The following DIAPH2 variants were observed in gnomAD, a reference collection of about 807,000 sequenced individuals.
DIAPH2 encodes the protein protein diaphanous homolog 2.
In DIAPH2, 35 loss-of-function variants were observed where a neutral mutation model predicts 92.7. The observed-to-expected ratio is 0.38, with a 90% CI of 0.29 to 0.50. The LOEUF is 0.50. DIAPH2 is among the 20% of genes least tolerant of loss of function. The pLI is 0.94. For missense variants in DIAPH2, 701 were observed against 819.5 expected (o/e 0.86, Z 1.77); for synonymous variants, 301 against 280.4 (o/e 1.07, Z -0.73).
At chrX:97,476,968 A>AAAAAT (rs2070611218) in intron 26 of DIAPH2, among the ~76,000 whole-genome samples, 2 of 33,605 alleles carry the variant, frequency 6.0e-5, no homozygotes, top group Non-Finnish European at 1.0e-4. Flanking sequence ...AAAAAAAAAA[A>AAAAAT]ATATATATAT....
chrX:97,551,789 A>C (rs1437455998), intron 26 of DIAPH2, among the ~76,000 whole-genome samples: 1 of 110,573 alleles, frequency 9.0e-6, no homozygotes, highest in African/African-American at 3.3e-5. Context: ...CATACTGGCT[A>C]TTTACATATA....
At chrX:96,961,185 A>G (rs904175054) in intron 16 of DIAPH2, among the ~76,000 whole-genome samples, 6 of 111,090 alleles carry the variant, frequency 5.4e-5, no homozygotes, top group African/African-American at 2.0e-4. Flanking sequence ...ACAAGTTTGG[A>G]AGAATTCATT....
rs61100745 is a variant in DIAPH2 at position 96,766,932 on chromosome X, C to T, written c.447+8674C>T. 8.1e-3 allele frequency among the ~76,000 whole-genome samples: 903 copies of T among 111,772 alleles called. 8 individuals carry two copies. Among genetic ancestry groups the T allele is most frequent in the African/African-American group, 0.028 (859 of 30,805 alleles). On this transcript the variant is annotated intron_variant, in intron 4 of 26. Coordinates refer to ENST00000324765, the MANE Select transcript of DIAPH2 (RefSeq NM_006729.5). ...TGCCTGTTACCTGAACAAAACCACC[C>T]CCTTAGCCTCAGGCAGTATTGCTTC...
chrX:97,031,789 C>G (rs963666316), intron 17 of DIAPH2, among the ~76,000 whole-genome samples: 1 of 111,167 alleles, frequency 9.0e-6, no homozygotes. Context: ...AGAAGGCCAC[C>G]GAACTCCGAT....
chrX:96,880,097 A>G (rs748674414), intron 4 of DIAPH2, among the ~76,000 whole-genome samples: 2 of 111,787 alleles, frequency 1.8e-5, no homozygotes, highest in Non-Finnish European at 3.8e-5. Context: ...AGTGGCCATT[A>G]TACAAAATAT....
At chrX:97,546,455 G>A (rs958312523) in intron 26 of DIAPH2, among the ~76,000 whole-genome samples, 37 of 111,299 alleles carry the variant, frequency 3.3e-4, no homozygotes, top group Non-Finnish European at 3.2e-4. Context: ...AAGCTACACA[G>A]TACCATCACG....
At chrX:96,951,357 ACTTTTCT>A (rs913033229) in intron 15 of DIAPH2, among the ~76,000 whole-genome samples, 2 of 111,402 alleles carry the variant, frequency 1.8e-5, no homozygotes, top group Non-Finnish European at 3.8e-5. Flanking sequence ...CTTTCATATC[ACTTTTCT>A]AGACCACTCA....
At chrX:97,368,995 C>A (rs2069413752) in intron 24 of DIAPH2, among the ~76,000 whole-genome samples, 1 of 104,086 alleles carries the variant, frequency 9.6e-6, no homozygotes, top group Non-Finnish European at 1.9e-5. Context: ...ACAACCTCCA[C>A]CTCCCAGGTT....
At chrX:97,179,898 C>T (rs746638603) in intron 22 of DIAPH2, among the ~76,000 whole-genome samples, 4 of 111,425 alleles carry the variant, frequency 3.6e-5, no homozygotes, top group Non-Finnish European at 7.5e-5. Flanking sequence ...AGTGGAAAAC[C>T]CCTGATAAAA....
At chrX:97,095,098 CTTTTTTTTTTTTTTTTTTTT>C (rs61350837) in intron 19 of DIAPH2, among the ~76,000 whole-genome samples, 5 of 22,406 alleles carry the variant, frequency 2.2e-4, no homozygotes, top group Admixed American at 6.0e-4. Context: ...GTTTCTTTTT[CTTTTTTTTTTTTTTTTTTTT>C]TTTTTTTTTT....
At chrX:97,489,124 A>G (rs2070708150) in intron 26 of DIAPH2, among the ~76,000 whole-genome samples, 1 of 111,918 alleles carries the variant, frequency 8.9e-6, no homozygotes, top group South Asian at 3.7e-4. Context: ...AACGTTATGT[A>G]GTTTTCGCCG....
intron 17 of DIAPH2, among the ~76,000 whole-genome samples, chrX:97,000,497 T>G (rs2066136325): frequency 9.0e-6 from 1 of 110,616 alleles, no homozygotes; most frequent in South Asian, 3.9e-4. Context: ...ACATTTATAA[T>G]ATTTGCCCAT....
chrX:97,349,082 A>ATAT (rs899217853), intron 24 of DIAPH2, among the ~76,000 whole-genome samples: 2 of 86,138 alleles, frequency 2.3e-5, no homozygotes, highest in African/African-American at 4.8e-5. Flanking sequence ...ATATATATAT[A>ATAT]TTTTTTTTTT....
intron 1 of DIAPH2, among the ~76,000 whole-genome samples, chrX:96,694,190 T>TA (rs768451637): frequency 7.1e-5 from 8 of 112,315 alleles, no homozygotes; most frequent in Non-Finnish European, 1.3e-4. Context: ...TAGTTCAGTA[T>TA]GTTCATTATC....
intron 5 of DIAPH2, among the ~76,000 whole-genome samples, chrX:96,883,672 G>T (rs1000555720): frequency 9.0e-6 from 1 of 110,848 alleles, no homozygotes; most frequent in African/African-American, 3.3e-5. Flanking sequence ...GAGCCACTGC[G>T]CCCGGCCTGA....
intron 22 of DIAPH2, among the ~76,000 whole-genome samples, chrX:97,227,131 C>G (rs192383414): frequency 9.1e-6 from 1 of 110,467 alleles, no homozygotes; most frequent in African/African-American, 3.3e-5. Flanking sequence ...AAAAATGAGC[C>G]GGGCATGGTG....
chrX:96,962,300 C>CAT lies in DIAPH2; in HGVS notation c.1936-2783_1936-2782dup, dbSNP rs1295442738. On this transcript the variant is annotated intron_variant, in intron 16 of 26. Transcript: ENST00000324765. ...ATATATATATACATATATATATATA[C>CAT]ATATATATATACATATATATATACA... Among the ~76,000 whole-genome samples, 16 of 61,182 alleles carry CAT rather than the reference C, an allele frequency of 2.6e-4. 2 individuals carry two copies. The highest frequency in any genetic ancestry group is 1.4e-3 in the South Asian group (2 of 1,423). The allele number at this position is 61,182 out of a possible 115,157, so 53.1% of individuals were successfully genotyped here. A position where few individuals can be genotyped will look rare whatever the true frequency, so the allele number is the denominator to read the frequency against.
chrX:97,059,652 C>A (rs1308610839), intron 17 of DIAPH2, among the ~76,000 whole-genome samples: 1 of 112,029 alleles, frequency 8.9e-6, no homozygotes, highest in Non-Finnish European at 1.9e-5. Flanking sequence ...TGTATTCTTA[C>A]AATAAAGTAG....
chrX:97,211,310 T>G lies in DIAPH2; in HGVS notation c.2720-36405T>G, dbSNP rs780732516. ...TGTTCTATCAGTTTTTAGTAAGAGG[T>G]ATGTCTCAATAGTTGTGTTACTCAC... is the stretch of plus-strand genomic sequence containing the variant. On this transcript the variant is annotated intron_variant, in intron 22 of 26. Transcript: ENST00000324765. Among the ~76,000 whole-genome samples, 9 of 110,243 alleles carry G rather than the reference T, an allele frequency of 8.2e-5. No homozygotes were observed. The South Asian group carries it at 3.5e-3, about 43-fold the overall frequency.
Sources: gnomAD v4.1 joint callset for allele counts (sites outside exome capture counted in the v4.1 genomes callset) on GRCh38, gnomAD v4.1.1 for gene constraint, MANE v1.5 for transcripts, NCBI Gene and HGNC (gene_info 2026-07-23, HGNC 2026-07-21) for gene names.